Variants in PDE6A observed in about 807,000 individuals in gnomAD.
PDE6A encodes rod cGMP-specific 3',5'-cyclic phosphodiesterase subunit alpha.
Under a neutral mutation model 106.3 loss-of-function variants are expected in PDE6A, and 84 were observed. The ratio of observed to expected loss-of-function variants is 0.79; its 90% CI spans 0.66 to 0.95. The LOEUF (loss-of-function observed/expected upper bound fraction) is 0.95. PDE6A is among the 40% of genes least tolerant of loss of function. The probability of loss-of-function intolerance (pLI) is 0.00; values close to 1 mark genes in which losing one functional copy is unlikely to be tolerated. For synonymous variants in PDE6A, 394 were observed against 386.6 expected (o/e 1.02, Z -0.23); for missense variants, 1,052 against 1,084.9 (o/e 0.97, Z 0.43).
chr5:149,932,341 G>A (rs1346316504), intron 3 of PDE6A: 2 of 1,426,986 alleles, frequency 1.4e-6, no homozygotes, highest in African/African-American at 1.4e-5. Flanking sequence ...GTTGTAGGAG[G>A]TCTTTCTAAA....
intron 4 of PDE6A, among the ~76,000 whole-genome samples, chr5:149,929,538 T>G (rs11960069): frequency 6.6e-6 from 1 of 151,334 alleles, no homozygotes; most frequent in East Asian, 1.9e-4. Context: ...ACCCGGGAGG[T>G]GGAACTTGCA....
intron 13 of PDE6A, among the ~76,000 whole-genome samples, chr5:149,891,666 G>A (rs1244837071): frequency 6.6e-6 from 1 of 152,052 alleles, no homozygotes; most frequent in East Asian, 1.9e-4. Context: ...AGCCCAGCAT[G>A]GCAGTGAGTG....
Position 149,934,425 on chromosome 5 carries a change from C to A in PDE6A, c.627+141G>T. The A allele has an allele frequency of 6.0e-6, 5 of 835,486 alleles. No homozygotes were observed. The South Asian group carries it at 7.0e-5, about 12-fold the overall frequency. The allele number at this position is 835,486 out of a possible 1,614,324, so 51.8% of individuals were successfully genotyped here. ...ATGTCTTAACTATTATTTTATCCTG[C>A]CTCCCTCAGAGAACATCAGGTGAAT... On this transcript the variant is annotated intron_variant, in intron 2 of 21. Coordinates refer to ENST00000255266, the MANE Select transcript of PDE6A (RefSeq NM_000440.3).
rs112940744 is a variant in PDE6A at position 149,873,488 on chromosome 5, C to T, written c.2136-5330G>A. Among the ~76,000 whole-genome samples the T allele has an allele frequency of 5.1e-4, 78 of 152,182 alleles. 1 individual carries two copies. Among genetic ancestry groups the T allele is most frequent in the African/African-American group, 1.8e-3 (73 of 41,534 alleles). ...CTGAGATTACAGGTGTGCGTCACCA[C>T]GCCCAGCTAATTTTTGTATTTTCAA... is the stretch of plus-strand genomic sequence containing the variant. On this transcript the variant is annotated intron_variant, in intron 17 of 21. Transcript: ENST00000255266.
chr5:149,867,863 C>G (rs1760388899), intron 18 of PDE6A, 64 bp from the exon 19 acceptor site: 2 of 1,468,120 alleles, frequency 1.4e-6, no homozygotes, highest in African/African-American at 1.4e-5. Flanking sequence ...TACCCCTGCT[C>G]CCACCCCACT....
Position 149,858,275 on chromosome 5 carries a change from G to A in PDE6A, c.*2620C>T. 1 of 152,100 alleles carries A rather than the reference G, an allele frequency of 6.6e-6. No homozygotes were observed. Among genetic ancestry groups the A allele is most frequent in the Non-Finnish European group, 1.5e-5 (1 of 67,992 alleles). 9.4% of individuals were successfully genotyped at this position (152,100 alleles called of 1,614,324 possible). A position where few individuals can be genotyped will look rare whatever the true frequency, so the allele number is the denominator to read the frequency against. The stretch of plus-strand genomic sequence containing the variant: ...CCTCCATAAAGCTGGTGGTGGGGGG[G>A]GAACGATAGAGAAGGAAAAAAAATC... On this transcript the variant is annotated 3_prime_UTR_variant, in exon 22 of 22. Coordinates refer to ENST00000255266, the MANE Select transcript of PDE6A (RefSeq NM_000440.3).
intron 17 of PDE6A, among the ~76,000 whole-genome samples, chr5:149,881,805 A>G (rs1394107261): frequency 6.6e-6 from 1 of 152,126 alleles, no homozygotes; most frequent in Admixed American, 6.5e-5. Flanking sequence ...TGTAATCTCA[A>G]CACTTTGGGA....
rs999823723 is a variant in PDE6A, at chr5:149,942,202, G to C, written c.474+1998C>G. On this transcript the variant is annotated intron_variant, in intron 1 of 21. Transcript: ENST00000255266. ...GGTCTCAAATTTCTGGGCTCAAGTGGTCTTCCCACCTCAGCCTCCCAAAGT... is the reference window on the plus strand; with the variant it reads ...GGTCTCAAATTTCTGGGCTCAAGTGCTCTTCCCACCTCAGCCTCCCAAAGT... Among the ~76,000 whole-genome samples the C allele has an allele frequency of 2.0e-5, 3 of 151,980 alleles. No individual in the cohort carries two copies. In the East Asian group the frequency reaches 5.8e-4, roughly 29 times the overall value.
chr5:149,890,927 A>T (rs1561719471), intron 13 of PDE6A, among the ~76,000 whole-genome samples: 1 of 152,268 alleles, frequency 6.6e-6, no homozygotes, highest in Non-Finnish European at 1.5e-5. Context: ...ACATTGATCC[A>T]AGTCAAGTTA....
Position 149,926,965 on chromosome 5 carries a change from C to T in PDE6A, c.858+4063G>A, listed in dbSNP as rs557759015. 3.0e-4 allele frequency among the ~76,000 whole-genome samples: 36 copies of T among 119,284 alleles called. No homozygotes were observed. In the South Asian group the frequency reaches 4.3e-3, roughly 14 times the overall value. The allele number at this position is 119,284 out of a possible 152,430, so 78.3% of individuals were successfully genotyped here. A position where few individuals can be genotyped will look rare whatever the true frequency, so the allele number is the denominator to read the frequency against. On this transcript the variant is annotated intron_variant, in intron 4 of 21. Coordinates refer to ENST00000255266, the MANE Select transcript of PDE6A (RefSeq NM_000440.3). Reference sequence around the variant, plus strand: ...TGCACTCCAGCCTGGGCAACAAGAGCGAAACTCCGTCTCCAAAAAAAAAAA... The same window carrying T: ...TGCACTCCAGCCTGGGCAACAAGAGTGAAACTCCGTCTCCAAAAAAAAAAA...
At chr5:149,910,874 C>CTTTTTTTTTTTTTT (rs386405293) in intron 6 of PDE6A, among the ~76,000 whole-genome samples, 4 of 87,148 alleles carry the variant, frequency 4.6e-5, no homozygotes, top group Non-Finnish European at 6.1e-5. Context: ...TTTCTTTTTC[C>CTTTTTTTTTTTTTT]TTTTTTTTTT....
At chr5:149,880,971 G>A (rs1475218724) in intron 17 of PDE6A, among the ~76,000 whole-genome samples, 2 of 152,140 alleles carry the variant, frequency 1.3e-5, no homozygotes, top group Admixed American at 6.5e-5. Flanking sequence ...GCTGAGGCAC[G>A]AGAATTGCTT....
intron 1 of PDE6A, among the ~76,000 whole-genome samples, chr5:149,938,338 A>C (rs968450247): frequency 6.6e-6 from 1 of 152,196 alleles, no homozygotes; most frequent in Non-Finnish European, 1.5e-5. Flanking sequence ...AAATGAAGGA[A>C]AGCAGGGGCA....
chr5:149,887,765 C>T (rs1400597850), intron 13 of PDE6A, among the ~76,000 whole-genome samples: 3 of 152,082 alleles, frequency 2.0e-5, no homozygotes, highest in Non-Finnish European at 4.4e-5. Flanking sequence ...CCCACCGAGA[C>T]AAAAGCAAAA....
At chr5:149,930,537 C>T (rs569465491) in intron 4 of PDE6A, among the ~76,000 whole-genome samples, 1 of 152,348 alleles carries the variant, frequency 6.6e-6, no homozygotes, top group East Asian at 1.9e-4. Context: ...CGAACTCTGC[C>T]TCCTTAGCTG....
chr5:149,898,612 A>C, intron 9 of PDE6A, 106 bp from the exon 10 acceptor site: 1 of 1,218,902 alleles, frequency 8.2e-7, no homozygotes, highest in Non-Finnish European at 1.2e-6. Flanking sequence ...CAGCTATAAA[A>C]TGGGTTTGAT....
chr5:149,939,556 G>C (rs867980578), intron 1 of PDE6A, among the ~76,000 whole-genome samples: 2 of 152,176 alleles, frequency 1.3e-5, no homozygotes, highest in African/African-American at 4.8e-5. Flanking sequence ...GGTCGTAATA[G>C]TAATAAGGAA....
chr5:149,862,168 G>A (rs77117493), intron 21 of PDE6A, among the ~76,000 whole-genome samples: 2,578 of 152,268 alleles, frequency 0.017, 71 homozygotes, highest in African/African-American at 0.059. Flanking sequence ...CATGTCCTGT[G>A]AGGAAACAGA....
chr5:149,877,428 T>C (rs557482132), intron 17 of PDE6A, among the ~76,000 whole-genome samples: 3 of 152,060 alleles, frequency 2.0e-5, no homozygotes, highest in East Asian at 3.9e-4. Flanking sequence ...ACAAAAAATT[T>C]AAAAAGAGTC....
Sources: gnomAD v4.1 joint callset for allele counts (sites outside exome capture counted in the v4.1 genomes callset) on GRCh38, gnomAD v4.1.1 for gene constraint, MANE v1.5 for transcripts, NCBI Gene and HGNC (gene_info 2026-07-23, HGNC 2026-07-21) for gene names.